Variants in NECTIN3 observed in about 807,000 individuals in gnomAD.
The protein encoded by NECTIN3 is nectin-3.
Under a neutral mutation model 49.4 loss-of-function variants are expected in NECTIN3, and 8 were observed. The observed-to-expected ratio is 0.16, with a 90% CI of 0.10 to 0.29. NECTIN3 has a LOEUF of 0.29. NECTIN3 is among the 10% of genes least tolerant of loss of function. The probability of loss-of-function intolerance (pLI) is 1.00; values close to 1 mark genes in which losing one functional copy is unlikely to be tolerated. For synonymous variants in NECTIN3, 277 were observed against 241.1 expected (o/e 1.15, Z -1.38); for missense variants, 581 against 654.6 (o/e 0.89, Z 1.23).
At chr3:111,146,217 G>A (rs947054650) in intron 6 of NECTIN3, among the ~76,000 whole-genome samples, 1 of 151,894 alleles carries the variant, frequency 6.6e-6, no homozygotes, top group African/African-American at 2.4e-5. Context: ...GGCGGATCAC[G>A]AGGTCAGGAG....
intron 7 of NECTIN3, among the ~76,000 whole-genome samples, chr3:111,156,702 C>T (rs890629244): frequency 5.3e-5 from 8 of 152,114 alleles, no homozygotes; most frequent in South Asian, 2.1e-4. Flanking sequence ...GATAACTTTC[C>T]ACAGTTACCA....
At chr3:111,184,876 A>T (rs948553287) in intron 7 of NECTIN3, among the ~76,000 whole-genome samples, 1 of 152,202 alleles carries the variant, frequency 6.6e-6, no homozygotes, top group Non-Finnish European at 1.5e-5. Flanking sequence ...TAGGATGGTT[A>T]TAGAGTAGCC....
rs2034605027 is a variant in NECTIN3, at chr3:111,137,071, G to A, written c.*2856G>A. 2 of 982,744 alleles carry A rather than the reference G, an allele frequency of 2.0e-6. No homozygotes were observed. The highest frequency in any genetic ancestry group is 2.4e-6 in the Non-Finnish European group (2 of 827,804). 60.9% of individuals were successfully genotyped at this position (982,744 alleles called of 1,614,324 possible). A position where few individuals can be genotyped will look rare whatever the true frequency, so the allele number is the denominator to read the frequency against. On this transcript the variant is annotated 3_prime_UTR_variant, in exon 6 of 6. Transcript: ENST00000485303. ...AAGATAACCCACGGCTAAATATTTT[G>A]CATTAAGGAGCTGTAGGAGTACAGT...
chr3:111,073,814 T>C (rs1559760108), intron 1 of NECTIN3, among the ~76,000 whole-genome samples: 1 of 152,252 alleles, frequency 6.6e-6, no homozygotes, highest in Non-Finnish European at 1.5e-5. Context: ...GCATAGCTGA[T>C]GCAGGAATTA....
At chr3:111,111,063 C>G (rs542272150) in intron 1 of NECTIN3, among the ~76,000 whole-genome samples, 1 of 151,990 alleles carries the variant, frequency 6.6e-6, no homozygotes, top group African/African-American at 2.4e-5. Flanking sequence ...TTTTTGAGTG[C>G]TTATTTTGGT....
intron 1 of NECTIN3, among the ~76,000 whole-genome samples, chr3:111,107,155 G>T (rs563237273): frequency 1.3e-5 from 2 of 151,632 alleles, no homozygotes; most frequent in South Asian, 4.2e-4. Context: ...AGTTATATAC[G>T]TCATTACATT....
At chr3:111,140,221 G>A (rs188824556), downstream of NECTIN3, among the ~76,000 whole-genome samples, 3 of 151,944 alleles carry the variant, frequency 2.0e-5, no homozygotes, top group East Asian at 1.9e-4. Flanking sequence ...TAGATATTTG[G>A]TTGTTCAATG....
In NECTIN3 at chr3:111,133,656, T is replaced by C; in HGVS notation, c.1091T>C (p.Leu364Pro). 1 of 1,613,684 alleles carries C rather than the reference T, an allele frequency of 6.2e-7. No homozygotes were observed. Residue 364 changes from leucine (L) to proline (P), a missense_variant, in exon 6 of 6, where the codon CTT becomes CCT. Around this residue, in one of 3 missense-constraint regions of NECTIN3, gnomAD observed 238 missense variants for 244.9 expected, o/e 0.97. Transcript: ENST00000485303. ...YISDPPTTTT[L>P]QPTIQWHPST... Reference sequence around the variant, plus strand: ...TTAGATCCTCCTACTACTACCACCCTTCAGCCTACAATTCAGTGGCATCCC... The same window carrying C: ...TTAGATCCTCCTACTACTACCACCCCTCAGCCTACAATTCAGTGGCATCCC...
chr3:111,161,569 A>G (rs912391593), intron 7 of NECTIN3, among the ~76,000 whole-genome samples: 1 of 152,022 alleles, frequency 6.6e-6, no homozygotes, highest in Non-Finnish European at 1.5e-5. Context: ...CCTAAGCTCC[A>G]CCTCCTGTCA....
At chr3:111,179,993 A>G (rs1360797591) in intron 7 of NECTIN3, among the ~76,000 whole-genome samples, 2 of 152,084 alleles carry the variant, frequency 1.3e-5, no homozygotes, top group Non-Finnish European at 2.9e-5. Context: ...TTAGAGAACT[A>G]ATAATTAACT....
intron 1 of NECTIN3, chr3:111,193,249 G>A (rs1188900710): frequency 6.5e-7 from 1 of 1,535,728 alleles, no homozygotes; most frequent in Non-Finnish European, 8.7e-7. Flanking sequence ...AATCCAGTTG[G>A]GGAAGATGGC....
chr3:111,090,492 A>G (rs888631115), intron 1 of NECTIN3, among the ~76,000 whole-genome samples: 17 of 151,924 alleles, frequency 1.1e-4, no homozygotes, highest in Non-Finnish European at 7.4e-5. Flanking sequence ...ATTACTTCCC[A>G]GGCAATACAG....
At chr3:111,086,374 T>C (rs1216161277) in intron 1 of NECTIN3, among the ~76,000 whole-genome samples, 1 of 152,164 alleles carries the variant, frequency 6.6e-6, no homozygotes. Flanking sequence ...TACACCATCA[T>C]GAAATTTTTT....
intron 5 of NECTIN3, among the ~76,000 whole-genome samples, chr3:111,133,286 G>C (rs2034456038): frequency 6.6e-6 from 1 of 151,798 alleles, no homozygotes; most frequent in Non-Finnish European, 1.5e-5. Context: ...TATTAAGCTT[G>C]CTATGTAATA....
chr3:111,107,194 ATGTG>A (rs2033221848), intron 1 of NECTIN3, among the ~76,000 whole-genome samples: 2 of 152,036 alleles, frequency 1.3e-5, no homozygotes, highest in Admixed American at 6.6e-5. Context: ...ATCTTCTTGA[ATGTG>A]TGTATTTCCA....
chr3:111,083,062 G>T (rs1480078149), intron 1 of NECTIN3, among the ~76,000 whole-genome samples: 4 of 152,116 alleles, frequency 2.6e-5, no homozygotes, highest in African/African-American at 9.7e-5. Flanking sequence ...GAGATGGGGA[G>T]TGGCTGGTGA....
chr3:111,188,153 T>C (rs191807202), upstream of NECTIN3, among the ~76,000 whole-genome samples: 73 of 152,354 alleles, frequency 4.8e-4, no homozygotes, highest in Non-Finnish European at 8.8e-4. Flanking sequence ...TCAGGTGGTC[T>C]GTGGATTGAC....
upstream of NECTIN3, among the ~76,000 whole-genome samples, chr3:111,190,706 C>A (rs2035799769): frequency 6.6e-6 from 1 of 152,184 alleles, no homozygotes; most frequent in African/African-American, 2.4e-5. Context: ...TTCCCAAAGG[C>A]CCCACCTTTT....
At chr3:111,101,121 C>CA (rs1287428814) in intron 1 of NECTIN3, among the ~76,000 whole-genome samples, 1 of 152,098 alleles carries the variant, frequency 6.6e-6, no homozygotes, top group Non-Finnish European at 1.5e-5. Flanking sequence ...CAGATACCCC[C>CA]TAAGGTCTCT....
Sources: allele counts gnomAD v4.1 joint callset (sites outside exome capture counted in the v4.1 genomes callset), GRCh38; gene constraint gnomAD v4.1.1; regional missense constraint gnomAD v4.1.1; transcripts MANE v1.5; gene names NCBI Gene and HGNC (gene_info 2026-07-23, HGNC 2026-07-21).